The following STX18 variants were observed in gnomAD, a reference collection of about 807,000 sequenced individuals.
STX18 encodes syntaxin 18, also known as syntaxin-18.
STX18 carries 40 observed loss-of-function variants against 50.1 expected under a neutral mutation model. The observed-to-expected ratio is 0.80, with a 90% CI of 0.62 to 1.04. The LOEUF is 1.04. Among genes scored for constraint, STX18 ranks in the 50% least tolerant of loss-of-function variants. The pLI is 0.00. For missense variants in STX18, 410 were observed against 415.8 expected, an observed-to-expected ratio of 0.99 and a Z score of 0.12; for synonymous variants, 158 against 151.8, an observed-to-expected ratio of 1.04 and a Z score of -0.30.
At chr4:4,479,330 G>A (rs938913672) in intron 1 of STX18, among the ~76,000 whole-genome samples, 2 of 152,150 alleles carry the variant, frequency 1.3e-5, no homozygotes, top group African/African-American at 4.8e-5. Flanking sequence ...GTCTCAAACC[G>A]AGTGCCTGTG....
rs536797305 is a variant in STX18 at position 4,442,059 on chromosome 4, G to T, written c.498-3550C>A. 2.6e-5 allele frequency among the ~76,000 whole-genome samples: 4 copies of T among 152,168 alleles called. No homozygotes were observed. The East Asian group carries it at 7.7e-4, about 29-fold the overall frequency. The stretch of plus-strand genomic sequence containing the variant: ...AATATCATGGAGATTAGGAAGGGGA[G>T]GCAATAATAGCCAAGATAACCCTAA... On this transcript the variant is annotated intron_variant, in intron 5 of 10. Coordinates refer to ENST00000306200, the MANE Select transcript of STX18 (RefSeq NM_016930.4).
Position 4,419,897 on chromosome 4 carries a change from T to C in STX18, c.*137A>G. The C allele has an allele frequency of 1.4e-6, 1 of 718,186 alleles. No individual in the cohort carries two copies. Among genetic ancestry groups the C allele is most frequent in the Non-Finnish European group, 2.3e-6 (1 of 431,432 alleles). 44.5% of individuals were successfully genotyped at this position (718,186 alleles called of 1,614,324 possible). ...TATCCCTTTTTGGGGAATACGTCTG[T>C]CTGTCTGAACTCCTTTCCCTTCAAA... On this transcript the variant is annotated 3_prime_UTR_variant, in exon 11 of 11. Coordinates refer to ENST00000306200, the MANE Select transcript of STX18 (RefSeq NM_016930.4).
chr4:4,535,351 G>A (rs954492737), intron 1 of STX18, among the ~76,000 whole-genome samples: 1 of 152,162 alleles, frequency 6.6e-6, no homozygotes, highest in Non-Finnish European at 1.5e-5. Flanking sequence ...GCAAAATTCA[G>A]AAGTGTAATC....
In STX18 at chr4:4,425,220, A is replaced by C; in HGVS notation, c.705T>G (p.Phe235Leu). ...CAATTAGTCGCTGATTTTCCTGTTC[A>C]AACTGTGAGGAAACAGACACACTCA... ...DELSPEEIQMFEQENQRLIGE... is the reference protein window; with the variant it reads ...DELSPEEIQMLEQENQRLIGE... The change falls in exon 8 of 11, where the codon TTT becomes TTG. Residue 235 changes from phenylalanine to leucine, a missense_variant and splice_region_variant. Phe to Leu is a conservative substitution (Grantham distance 22). Transcript: ENST00000306200. 6.2e-7 allele frequency: 1 copy of C among 1,614,020 alleles called. No individual in the cohort carries two copies.
chr4:4,476,012 A>T (rs1728157813), intron 1 of STX18: 1 of 152,224 alleles, frequency 6.6e-6, no homozygotes. Context: ...ATACATCAAG[A>T]GAATGCCTCT....
intron 1 of STX18, among the ~76,000 whole-genome samples, chr4:4,493,041 G>A (rs1211798078): frequency 1.3e-5 from 2 of 151,940 alleles, no homozygotes; most frequent in African/African-American, 4.8e-5. Context: ...CCACTTATTT[G>A]GAAAAAAAGA....
At chr4:4,527,859 C>CAA (rs1730861804) in intron 1 of STX18, among the ~76,000 whole-genome samples, 2 of 104,810 alleles carry the variant, frequency 1.9e-5, no homozygotes, top group Non-Finnish European at 2.2e-5. Flanking sequence ...TATACACACA[C>CAA]ACACACACAT....
chr4:4,491,068 G>A (rs184271604), intron 1 of STX18, among the ~76,000 whole-genome samples: 3 of 151,330 alleles, frequency 2.0e-5, no homozygotes, highest in East Asian at 1.9e-4. Context: ...TCAAACATTC[G>A]GCTTATAGCA....
intron 2 of STX18, among the ~76,000 whole-genome samples, chr4:4,467,944 A>G (rs1727703334): frequency 6.6e-6 from 1 of 152,136 alleles, no homozygotes; most frequent in Non-Finnish European, 1.5e-5. Context: ...ATTTCAAGAA[A>G]CTGATGATGG....
At chr4:4,495,586 A>C (rs1729133170) in intron 1 of STX18, among the ~76,000 whole-genome samples, 1 of 133,246 alleles carries the variant, frequency 7.5e-6, no homozygotes, top group Admixed American at 8.0e-5. Context: ...TTTTTTTGAG[A>C]GACGAGGTCT....
chr4:4,433,535 A>T (rs748162321), intron 7 of STX18, among the ~76,000 whole-genome samples: 42 of 62,294 alleles, frequency 6.7e-4, no homozygotes, highest in African/African-American at 1.1e-3. Context: ...AAAATAAATT[A>T]AAAAAAAAAA....
At chr4:4,445,592 T>TA (rs904266953) in intron 5 of STX18, among the ~76,000 whole-genome samples, 213 of 147,112 alleles carry the variant, frequency 1.4e-3, no homozygotes, top group African/African-American at 4.3e-3. Context: ...TACAATAGAA[T>TA]AAAAAAAAAA....
At chr4:4,478,913 G>A (rs540890111) in intron 1 of STX18, 7 of 152,828 alleles carry the variant, frequency 4.6e-5, no homozygotes, top group African/African-American at 1.7e-4. Context: ...TCTAAAGTCA[G>A]GTTCTCCACT....
intron 1 of STX18, among the ~76,000 whole-genome samples, chr4:4,525,316 T>C (rs541210956): frequency 4.5e-4 from 68 of 152,184 alleles, no homozygotes; most frequent in African/African-American, 1.6e-3. Flanking sequence ...AGGAAATTGA[T>C]TTAAATTTCA....
At chr4:4,496,443 C>T (rs952408035) in intron 1 of STX18, among the ~76,000 whole-genome samples, 1 of 152,144 alleles carries the variant, frequency 6.6e-6, no homozygotes, top group East Asian at 1.9e-4. Flanking sequence ...TCTTTAAGGG[C>T]TCCTAAATTC....
At chr4:4,439,361 C>T (rs938786765) in intron 5 of STX18, among the ~76,000 whole-genome samples, 2 of 92,504 alleles carry the variant, frequency 2.2e-5, no homozygotes, top group Non-Finnish European at 4.0e-5. Flanking sequence ...CATATATATA[C>T]CCCCCACTCA....
intron 1 of STX18, among the ~76,000 whole-genome samples, chr4:4,529,584 T>C (rs1730995422): frequency 6.6e-6 from 1 of 151,990 alleles, no homozygotes; most frequent in African/African-American, 2.4e-5. Flanking sequence ...GTTCCCAGCC[T>C]GGGACACACT....
intron 1 of STX18, among the ~76,000 whole-genome samples, chr4:4,475,931 A>G (rs940162433): frequency 3.9e-5 from 6 of 152,080 alleles, no homozygotes; most frequent in Non-Finnish European, 7.4e-5. Flanking sequence ...TATGTTTTGG[A>G]CTTTAAATGT....
intron 1 of STX18, among the ~76,000 whole-genome samples, chr4:4,473,637 C>T (rs78716339): frequency 0.083 from 12,687 of 152,098 alleles, 692 homozygotes; most frequent in Non-Finnish European, 0.11. Context: ...TTAAGAGATA[C>T]GCAAGCAAGG....
Sources: allele counts gnomAD v4.1 joint callset (sites outside exome capture counted in the v4.1 genomes callset), GRCh38; gene constraint gnomAD v4.1.1; transcripts MANE v1.5; gene names NCBI Gene and HGNC (gene_info 2026-07-23, HGNC 2026-07-21).